The following SP110 variants were observed in gnomAD, a reference collection of about 807,000 sequenced individuals.
The protein encoded by SP110 is interferon-induced protein 41, 30kD.
SP110 carries 62 observed loss-of-function variants against 92.7 expected under a neutral mutation model. That is an observed-to-expected ratio of 0.67 (90% CI 0.55 to 0.83). The LOEUF is 0.83. SP110 is among the 40% of genes least tolerant of loss of function. The pLI, the probability that SP110 is intolerant of heterozygous loss-of-function variation, is 0.00. For synonymous variants in SP110, 273 were observed against 305.3 expected, an observed-to-expected ratio of 0.89 and a Z score of 1.10; for missense variants, 793 against 863.9, an observed-to-expected ratio of 0.92 and a Z score of 1.03.
At chr2:230,221,549 G>A (rs1046631654), upstream of SP110, among the ~76,000 whole-genome samples, 1 of 152,218 alleles carries the variant, frequency 6.6e-6, no homozygotes, top group Non-Finnish European at 1.5e-5. Flanking sequence ...GTGAAACAGA[G>A]GCATGGAAGC....
intron 14 of SP110, among the ~76,000 whole-genome samples, chr2:230,176,044 A>G (rs1427159357): frequency 6.7e-6 from 1 of 150,334 alleles, no homozygotes; most frequent in Admixed American, 6.7e-5. Context: ...CCAGAGCTCA[A>G]GTGATCCTCC....
At chr2:230,213,123 G>GACAATGAATAGCTCCATGCC in intron 3 of SP110, 96 bp from the exon 4 acceptor site, 1 of 1,205,846 alleles carries the variant, frequency 8.3e-7, no homozygotes, top group Non-Finnish European at 1.2e-6. Context: ...TAGGATGGGG[G>GACAATGAATAGCTCCATGCC]CATGGAGCTA....
upstream of SP110, among the ~76,000 whole-genome samples, chr2:230,222,547 C>T (rs982658596): frequency 6.6e-6 from 1 of 151,984 alleles, no homozygotes; most frequent in Non-Finnish European, 1.5e-5. Flanking sequence ...AGCAAGACCT[C>T]GTCTCTACAA....
chr2:230,224,021 C>T (rs887600890), upstream of SP110, among the ~76,000 whole-genome samples: 1 of 152,296 alleles, frequency 6.6e-6, no homozygotes, highest in African/African-American at 2.4e-5. Flanking sequence ...CCCAGGAATC[C>T]CTTACCCAGG....
In SP110 at chr2:230,177,546, G is replaced by A; in HGVS notation, c.1582C>T (p.Leu528=). 6.2e-7 allele frequency: 1 copy of A among 1,614,060 alleles called. No homozygotes were observed. Among genetic ancestry groups the A allele is most frequent in the South Asian group, 1.1e-5 (1 of 91,076 alleles). Residue 528 remains leucine (L), a synonymous_variant, in exon 14 of 19, where the codon CTG becomes TTG. Transcript: ENST00000258381. The part of the protein sequence containing the change: ...IRCEGMTLGE[L]LKRKNSDECE... ...TCCCGTCATTATAATACCTTCAGCAGCTCTCCTAGGGTCATTCCTTCACAA... is the reference window on the plus strand; with the variant it reads ...TCCCGTCATTATAATACCTTCAGCAACTCTCCTAGGGTCATTCCTTCACAA...
intron 18 of SP110, among the ~76,000 whole-genome samples, chr2:230,170,052 G>C (rs561383061): frequency 3.3e-5 from 5 of 152,180 alleles, no homozygotes; most frequent in Admixed American, 6.5e-5. Flanking sequence ...CTGTACAAGT[G>C]AGGATAAAAA....
chr2:230,172,781 G>A lies in SP110; in HGVS notation c.1706+63C>T, dbSNP rs2078481503. ...ACACCCTCGTCCCCGACGCTCACAG[G>A]TCCTGCCCTTTCCATCTGGAGGTGA... On this transcript the variant is annotated intron_variant, in intron 15 of 18. Transcript: ENST00000258381. 2.7e-6 allele frequency: 3 copies of A among 1,125,744 alleles called. No individual in the cohort carries two copies. In the African/African-American group the frequency reaches 4.6e-5, roughly 17 times the overall value. 69.7% of individuals were successfully genotyped at this position (1,125,744 alleles called of 1,614,324 possible).
intron 12 of SP110, among the ~76,000 whole-genome samples, chr2:230,182,899 G>C (rs998926230): frequency 6.6e-6 from 1 of 152,164 alleles, no homozygotes; most frequent in African/African-American, 2.4e-5. Flanking sequence ...TGTGCTTAGC[G>C]TCACAGTTGG....
chr2:230,220,963 G>A (rs1393558706), upstream of SP110, among the ~76,000 whole-genome samples: 1 of 152,098 alleles, frequency 6.6e-6, no homozygotes, highest in African/African-American at 2.4e-5. Context: ...GGTGAGCTAT[G>A]ATTGCACCAC....
Position 230,207,977 on chromosome 2 carries a change from T to C in SP110, c.898+14A>G, listed in dbSNP as rs200753717. The stretch of plus-strand genomic sequence containing the variant: ...GTTTCCAGCCTCCAGCTTCCTCTTG[T>C]ACTCTCATCTTACCTCCTGGGAGGC... On this transcript the variant is annotated intron_variant, in intron 8 of 18. Transcript: ENST00000258381. 167 of 1,352,792 alleles carry C rather than the reference T, an allele frequency of 1.2e-4. No homozygotes were observed. The highest frequency in any genetic ancestry group is 9.1e-4 in the Middle Eastern group (5 of 5,484). 83.8% of individuals were successfully genotyped at this position (1,352,792 alleles called of 1,614,324 possible). A position where few individuals can be genotyped will look rare whatever the true frequency, so the allele number is the denominator to read the frequency against.
chr2:230,177,715 A>C (rs756115340), intron 13 of SP110, 35 bp from the exon 14 acceptor site: 1 of 1,611,110 alleles, frequency 6.2e-7, no homozygotes, highest in African/African-American at 1.3e-5. Flanking sequence ...ATCTACCCCC[A>C]TCCTCTGTGA....
chr2:230,200,785 A>G, intron 10 of SP110, 100 bp downstream of exon 10: 1 of 948,438 alleles, frequency 1.1e-6, no homozygotes, highest in Non-Finnish European at 1.7e-6. Flanking sequence ...CACAGTAATA[A>G]TGAAAAAAAA....
At chr2:230,179,002 G>C (rs2041995659) in intron 12 of SP110, among the ~76,000 whole-genome samples, 1 of 152,184 alleles carries the variant, frequency 6.6e-6, no homozygotes, top group Non-Finnish European at 1.5e-5. Flanking sequence ...TGAAGGGGCT[G>C]TCCATGTCTT....
At position 230,176,384 on chromosome 2, in the gene SP110, T is replaced by C. The variant is rs1165233949; in HGVS notation, c.1590+1154A>G. ...TTGTTAGAGATGGGGTCTTGCTATG[T>C]TGCCTAGGCTTAGAGCATTTTATTT... On this transcript the variant is annotated intron_variant, in intron 14 of 18. Coordinates refer to ENST00000258381, the MANE Select transcript of SP110 (RefSeq NM_080424.4). 2.2e-5 allele frequency: 25 copies of C among 1,149,858 alleles called. 1 individual carries two copies. The South Asian group carries it at 3.6e-4, about 16-fold the overall frequency. The allele number at this position is 1,149,858 out of a possible 1,614,324, so 71.2% of individuals were successfully genotyped here.
intron 10 of SP110, among the ~76,000 whole-genome samples, chr2:230,193,191 C>G (rs2042714762): frequency 6.6e-6 from 1 of 152,130 alleles, no homozygotes; most frequent in Non-Finnish European, 1.5e-5. Flanking sequence ...CTTTTGGTTT[C>G]CATTTGCATG....
At chr2:230,188,045 A>G (rs1008304969) in intron 10 of SP110, among the ~76,000 whole-genome samples, 1 of 152,088 alleles carries the variant, frequency 6.6e-6, no homozygotes, top group African/African-American at 2.4e-5. Flanking sequence ...TTGATATTTG[A>G]TAAGAATTGC....
chr2:230,189,721 G>C (rs919566694), intron 10 of SP110, among the ~76,000 whole-genome samples: 1 of 152,136 alleles, frequency 6.6e-6, no homozygotes, highest in Non-Finnish European at 1.5e-5. Flanking sequence ...AGGCCCTGGT[G>C]TGTGTTGTTC....
At chr2:230,195,168 T>C (rs1323946163) in intron 10 of SP110, among the ~76,000 whole-genome samples, 2 of 152,166 alleles carry the variant, frequency 1.3e-5, no homozygotes, top group African/African-American at 2.4e-5. Flanking sequence ...ACCTGCAATG[T>C]CATTACTTTT....
chr2:230,177,765 C>A, intron 13 of SP110, 85 bp from the exon 14 acceptor site: 1 of 1,448,928 alleles, frequency 6.9e-7, no homozygotes, highest in Non-Finnish European at 9.6e-7. Context: ...TGGCCTTCTA[C>A]CTTTCCAGGT....
Sources: allele counts gnomAD v4.1 joint callset (sites outside exome capture counted in the v4.1 genomes callset), GRCh38; gene constraint gnomAD v4.1.1; transcripts MANE v1.5; gene names NCBI Gene and HGNC (gene_info 2026-07-23, HGNC 2026-07-21).